MEF2A: variants seen among roughly 807,000 people sequenced by gnomAD.
The protein encoded by MEF2A is myocyte-specific enhancer factor 2A.
Under a neutral mutation model 55.8 loss-of-function variants are expected in MEF2A, and 28 were observed. The ratio of observed to expected loss-of-function variants is 0.50; its 90% CI spans 0.37 to 0.69. The LOEUF (loss-of-function observed/expected upper bound fraction) is 0.69, where lower values mean the gene tolerates loss of function less well. Among genes scored for constraint, MEF2A ranks in the 30% least tolerant of loss-of-function variants. The probability of loss-of-function intolerance (pLI) is 0.00; values close to 1 mark genes in which losing one functional copy is unlikely to be tolerated. For missense variants in MEF2A, 528 were observed against 626.2 expected (o/e 0.84, Z 1.67); for synonymous variants, 239 against 227.1 (o/e 1.05, Z -0.47).
At chr15:99,672,398 C>G (rs937050500) in intron 5 of MEF2A, among the ~76,000 whole-genome samples, 6 of 152,224 alleles carry the variant, frequency 3.9e-5, no homozygotes, top group Non-Finnish European at 7.3e-5. Flanking sequence ...TTTCTTTGAG[C>G]TCATGCTCCT....
chr15:99,667,474 C>T (rs908924279), intron 4 of MEF2A, among the ~76,000 whole-genome samples: 1 of 152,158 alleles, frequency 6.6e-6, no homozygotes, highest in Non-Finnish European at 1.5e-5. Flanking sequence ...CCGCCCGCCT[C>T]GGCCTCCCAA....
At chr15:99,669,299 A>G (rs1489078918) in intron 4 of MEF2A, among the ~76,000 whole-genome samples, 1 of 152,224 alleles carries the variant, frequency 6.6e-6, no homozygotes, top group Non-Finnish European at 1.5e-5. Context: ...ATAAGTCAAC[A>G]ACTTTATGAT....
intron 2 of MEF2A, among the ~76,000 whole-genome samples, chr15:99,614,206 A>C (rs1253772675): frequency 6.6e-6 from 1 of 152,210 alleles, no homozygotes; most frequent in African/African-American, 2.4e-5. Context: ...TAAATGTAGA[A>C]GATATTTAAT....
chr15:99,667,696 T>C (rs946810827), intron 4 of MEF2A, among the ~76,000 whole-genome samples: 2 of 151,936 alleles, frequency 1.3e-5, no homozygotes, highest in African/African-American at 4.8e-5. Context: ...ATACAAAAAC[T>C]GGCTCTTCCA....
intron 1 of MEF2A, among the ~76,000 whole-genome samples, chr15:99,575,834 A>G (rs576507953): frequency 6.6e-6 from 1 of 152,312 alleles, no homozygotes; most frequent in Non-Finnish European, 1.5e-5. Context: ...TTTGATATCA[A>G]TATGATATAA....
chr15:99,589,064 T>C (rs1182673261), intron 1 of MEF2A, among the ~76,000 whole-genome samples: 1 of 152,214 alleles, frequency 6.6e-6, no homozygotes, highest in African/African-American at 2.4e-5. Flanking sequence ...CAGGGTTATT[T>C]ATACTGGCCT....
At position 99,712,863 on chromosome 15, in the gene MEF2A, T is replaced by A; in HGVS notation, c.*92T>A. 8.6e-6 allele frequency: 11 copies of A among 1,286,302 alleles called. No individual in the cohort carries two copies. Among genetic ancestry groups the A allele is most frequent in the African/African-American group, 1.5e-5 (1 of 67,072 alleles). 79.7% of individuals were successfully genotyped at this position (1,286,302 alleles called of 1,614,324 possible). Reference sequence around the variant, plus strand: ...AAATAAGGACATGAGTTAAATATATTTATATGTACATACATATATATATCC... The same window carrying A: ...AAATAAGGACATGAGTTAAATATATATATATGTACATACATATATATATCC... On this transcript the variant is annotated 3_prime_UTR_variant, in exon 12 of 12. Transcript: ENST00000557942. This position sits in a 1 kb window ranked among gnomAD's most constrained non-coding sequence, Gnocchi z 4.1.
intron 2 of MEF2A, among the ~76,000 whole-genome samples, chr15:99,610,580 A>G (rs1976879819): frequency 6.6e-6 from 1 of 152,198 alleles, no homozygotes; most frequent in Non-Finnish European, 1.5e-5. Context: ...CCTAGACAGT[A>G]TGTTACTGGC....
chr15:99,711,309 C>T (rs1205546137), intron 11 of MEF2A, among the ~76,000 whole-genome samples: 1 of 152,220 alleles, frequency 6.6e-6, no homozygotes, highest in Non-Finnish European at 1.5e-5. Flanking sequence ...ATATATCAGT[C>T]AGGCTCCATA....
intron 3 of MEF2A, among the ~76,000 whole-genome samples, chr15:99,641,519 C>T (rs547124025): frequency 1.2e-3 from 181 of 152,196 alleles, no homozygotes; most frequent in Middle Eastern, 6.8e-3. Flanking sequence ...GTCAGGAGAT[C>T]GAGACCATCC....
chr15:99,648,225 G>A (rs2153496021), intron 4 of MEF2A, among the ~76,000 whole-genome samples: 1 of 152,250 alleles, frequency 6.6e-6, no homozygotes, highest in Non-Finnish European at 1.5e-5. Context: ...CAGTTGTATT[G>A]ATGGGAAGCA....
chr15:99,588,406 A>G (rs955155317), intron 1 of MEF2A, among the ~76,000 whole-genome samples: 2 of 151,614 alleles, frequency 1.3e-5, no homozygotes, highest in East Asian at 1.9e-4. Context: ...GGTTCAAGCA[A>G]TTCTCCTTCC....
chr15:99,644,467 T>C (rs1264590758), intron 3 of MEF2A, among the ~76,000 whole-genome samples: 1 of 152,202 alleles, frequency 6.6e-6, no homozygotes, highest in Non-Finnish European at 1.5e-5. Flanking sequence ...GTCATGCCCG[T>C]GAAAAAAATT....
chr15:99,675,487 T>A (rs1179747846), intron 7 of MEF2A, 29 bp downstream of exon 7: 1 of 1,586,092 alleles, frequency 6.3e-7, no homozygotes. Flanking sequence ...TTCTGTTTTG[T>A]AGGTATCTAT....
chr15:99,657,714 C>A (rs1381338430), intron 4 of MEF2A, among the ~76,000 whole-genome samples: 1 of 152,042 alleles, frequency 6.6e-6, no homozygotes, highest in African/African-American at 2.4e-5. Flanking sequence ...ATAGATACCC[C>A]CAAAACCCTT....
At chr15:99,624,826 CTTTATTCTTTCATCAGTGTTTTTTAGT>C (rs1266737279) in intron 2 of MEF2A, among the ~76,000 whole-genome samples, 1 of 152,040 alleles carries the variant, frequency 6.6e-6, no homozygotes, top group Non-Finnish European at 1.5e-5. Flanking sequence ...TTGTTTATGT[CTTTATTCTTTCATCAGTGTTTTTTAGT>C]TTTTAGTGTG....
At chr15:99,619,221 A>G (rs2153233181) in intron 2 of MEF2A, among the ~76,000 whole-genome samples, 1 of 152,280 alleles carries the variant, frequency 6.6e-6, no homozygotes, top group South Asian at 2.1e-4. Context: ...TACCTTGGGG[A>G]GAGCCCTGGA....
chr15:99,701,593 A>G (rs1007756534), intron 8 of MEF2A, among the ~76,000 whole-genome samples: 1 of 152,254 alleles, frequency 6.6e-6, no homozygotes, highest in Admixed American at 6.5e-5. Flanking sequence ...TATTATTTTT[A>G]TTAGTTTCGA....
chr15:99,693,485 A>G (rs1329103730), intron 8 of MEF2A, among the ~76,000 whole-genome samples: 1 of 152,166 alleles, frequency 6.6e-6, no homozygotes, highest in Non-Finnish European at 1.5e-5. Context: ...CTAAAAGCAA[A>G]AGATCAAGAG....
Sources: allele counts gnomAD v4.1 joint callset (sites outside exome capture counted in the v4.1 genomes callset), GRCh38; gene constraint gnomAD v4.1.1; non-coding constraint Gnocchi (gnomAD v3.1); transcripts MANE v1.5; gene names NCBI Gene and HGNC (gene_info 2026-07-23, HGNC 2026-07-21).